Variants in ZMYND11 observed in about 807,000 individuals in gnomAD.
ZMYND11 encodes zinc finger MYND domain-containing protein 11.
ZMYND11 carries 9 observed loss-of-function variants against 84.9 expected under a neutral mutation model. The observed-to-expected ratio is 0.11, with a 90% confidence interval of 0.06 to 0.18. The LOEUF (loss-of-function observed/expected upper bound fraction) is 0.18, where lower values mean the gene tolerates loss of function less well. Ranked by LOEUF, ZMYND11 falls within the 10% of genes least tolerant of loss-of-function variation. ZMYND11 has a pLI of 1.00. For missense variants in ZMYND11, 409 were observed against 761.0 expected (o/e 0.54, Z 5.44); for synonymous variants, 250 against 244.1 (o/e 1.02, Z -0.23).
upstream of ZMYND11, among the ~76,000 whole-genome samples, chr10:130,327 A>G (rs1323527677): frequency 1.3e-5 from 2 of 152,136 alleles, no homozygotes; most frequent in Non-Finnish European, 2.9e-5. Flanking sequence ...TGCACCTGCA[A>G]TTAATCAGGT....
chr10:210,620 G>A (rs1296955671), intron 3 of ZMYND11, among the ~76,000 whole-genome samples: 5 of 152,078 alleles, frequency 3.3e-5, no homozygotes, highest in Admixed American at 6.6e-5. Context: ...TTCTCTTTAC[G>A]TTTTTACCTA....
chr10:184,402 T>G (rs959186012), intron 2 of ZMYND11, among the ~76,000 whole-genome samples: 5 of 152,196 alleles, frequency 3.3e-5, no homozygotes, highest in Non-Finnish European at 7.3e-5. Flanking sequence ...TTTCATCTTT[T>G]TTCTTTTTGA....
intron 3 of ZMYND11, among the ~76,000 whole-genome samples, chr10:216,313 A>G (rs755956467): frequency 6.6e-6 from 1 of 152,222 alleles, no homozygotes; most frequent in Non-Finnish European, 1.5e-5. Context: ...GGCATATTAC[A>G]GTGAGAATTT....
At chr10:248,264 G>A (rs1243021360) in intron 12 of ZMYND11, 72 bp from the exon 13 acceptor site, 51 of 1,537,876 alleles carry the variant, frequency 3.3e-5, no homozygotes, top group Non-Finnish European at 4.0e-5. Context: ...ATTTTTATCC[G>A]AATGGGGTAG....
chr10:253,395 G>A lies in ZMYND11; in HGVS notation c.*925G>A, dbSNP rs1953861238. On this transcript the variant is annotated 3_prime_UTR_variant, in exon 15 of 15. Coordinates refer to ENST00000381604, the MANE Select transcript of ZMYND11 (RefSeq NM_001370100.5). ...GTATCGTAAGTTAATACTAAAAGAA[G>A]AGAAAGCACTTAAGTTTCACAGAAG... 6.6e-6 allele frequency: 1 copy of A among 152,602 alleles called. No homozygotes were observed. The highest frequency in any genetic ancestry group is 2.4e-5 in the African/African-American group (1 of 41,450). The allele number at this position is 152,602 out of a possible 1,614,324, so 9.5% of individuals were successfully genotyped here. A position where few individuals can be genotyped will look rare whatever the true frequency, so the allele number is the denominator to read the frequency against.
intron 2 of ZMYND11, 116 bp downstream of exon 2, chr10:180,244 C>T: frequency 1.5e-6 from 1 of 659,714 alleles, no homozygotes; most frequent in Non-Finnish European, 2.5e-6. Flanking sequence ...GAACTGAAGA[C>T]ACTTTTTGCT....
chr10:191,844 G>A (rs1193027361), intron 2 of ZMYND11, among the ~76,000 whole-genome samples: 1 of 151,912 alleles, frequency 6.6e-6, no homozygotes, highest in Non-Finnish European at 1.5e-5. Flanking sequence ...CCATGTCATT[G>A]CTTGGCCACC....
At chr10:221,451 C>G (rs776607572) in intron 4 of ZMYND11, 95 bp downstream of exon 4, 8 of 1,297,176 alleles carry the variant, frequency 6.2e-6, no homozygotes, top group Middle Eastern at 1.9e-4. Context: ...GCCAGGTGAA[C>G]GGATAAAGGA....
upstream of ZMYND11, among the ~76,000 whole-genome samples, chr10:133,897 G>A (rs1437854791): frequency 6.6e-6 from 1 of 152,192 alleles, no homozygotes; most frequent in African/African-American, 2.4e-5. Flanking sequence ...ATGAAAGATT[G>A]TGTTTATTTG....
intron 8 of ZMYND11, 24 bp downstream of exon 8, chr10:240,135 A>G: frequency 6.5e-7 from 1 of 1,540,338 alleles, no homozygotes; most frequent in South Asian, 1.2e-5. Flanking sequence ...CCCAATAGTT[A>G]TACTCTTTCT....
At chr10:155,784 A>G (rs1323576790) in intron 1 of ZMYND11, among the ~76,000 whole-genome samples, 1 of 152,200 alleles carries the variant, frequency 6.6e-6, no homozygotes, top group Non-Finnish European at 1.5e-5. Flanking sequence ...CTTTATTCAG[A>G]GGGGAACTTC....
Position 210,057 on chromosome 10 carries a change from A to C in ZMYND11, c.276+9A>C. ...TGCCAGGAGATGAGATTGTAAGTACATTTTATTTGATAAACATAGAGATGT... is the reference window on the plus strand; with the variant it reads ...TGCCAGGAGATGAGATTGTAAGTACCTTTTATTTGATAAACATAGAGATGT... On this transcript the variant is annotated intron_variant, in intron 3 of 14. Transcript: ENST00000381604. 6.2e-7 allele frequency: 1 copy of C among 1,613,686 alleles called. No homozygotes were observed. The highest frequency in any genetic ancestry group is 1.3e-5 in the African/African-American group (1 of 75,040).
chr10:235,497 G>T (rs1447378613), intron 4 of ZMYND11, among the ~76,000 whole-genome samples: 1 of 151,806 alleles, frequency 6.6e-6, no homozygotes, highest in African/African-American at 2.4e-5. Context: ...TGGACACTCT[G>T]TCTTGGCCAT....
At chr10:156,056 T>C (rs1554758823) in intron 1 of ZMYND11, among the ~76,000 whole-genome samples, 2 of 152,228 alleles carry the variant, frequency 1.3e-5, no homozygotes, top group African/African-American at 2.4e-5. Flanking sequence ...TGATGGACTT[T>C]ACCCTGCAGT....
rs1951026741 is a variant in ZMYND11, at chr10:241,893, T to C, written c.832-128T>C. ...TCAATCCCAGAAAAAAAATCTCGTA[T>C]GTGTTTAGGAGTTATGAAAGAAATA... is the stretch of plus-strand genomic sequence containing the variant. On this transcript the variant is annotated intron_variant, in intron 9 of 14. Transcript: ENST00000381604. The C allele has an allele frequency of 1.3e-5, 15 of 1,157,320 alleles. No homozygotes were observed. The South Asian group carries it at 2.2e-4, about 17-fold the overall frequency. The allele number at this position is 1,157,320 out of a possible 1,614,324, so 71.7% of individuals were successfully genotyped here.
chr10:168,100 A>G (rs1258204185), intron 1 of ZMYND11, among the ~76,000 whole-genome samples: 1 of 152,116 alleles, frequency 6.6e-6, no homozygotes, highest in Non-Finnish European at 1.5e-5. Flanking sequence ...TAGGGGCATG[A>G]AGAAGGTTTA....
intron 9 of ZMYND11, among the ~76,000 whole-genome samples, chr10:241,694 T>TC (rs1554789960): frequency 2.0e-5 from 3 of 152,118 alleles, no homozygotes; most frequent in African/African-American, 4.8e-5. Context: ...GCCTAAAATT[T>TC]CCCCATTTCT....
rs112651744 is a variant in ZMYND11 at position 218,336 on chromosome 10, T to C, written c.277-2859T>C. 9.0e-4 allele frequency: 155 copies of C among 171,378 alleles called. 1 individual carries two copies. The highest frequency in any genetic ancestry group is 3.6e-3 in the African/African-American group (152 of 41,750). 10.6% of individuals were successfully genotyped at this position (171,378 alleles called of 1,614,324 possible). A position where few individuals can be genotyped will look rare whatever the true frequency, so the allele number is the denominator to read the frequency against. ...AATATCATCTGTAAAATAGTATAAG[T>C]CATATAGGAAATAATAAACAGTTTG... is the stretch of plus-strand genomic sequence containing the variant. On this transcript the variant is annotated intron_variant, in intron 3 of 14. Coordinates refer to ENST00000381604, the MANE Select transcript of ZMYND11 (RefSeq NM_001370100.5).
chr10:206,263 G>A (rs551713721), intron 2 of ZMYND11, among the ~76,000 whole-genome samples: 2 of 152,282 alleles, frequency 1.3e-5, no homozygotes, highest in South Asian at 4.1e-4. Context: ...GGGAGGCTGA[G>A]TCAGGAGAAT....
Sources: allele counts gnomAD v4.1 joint callset (sites outside exome capture counted in the v4.1 genomes callset), GRCh38; gene constraint gnomAD v4.1.1; transcripts MANE v1.5; gene names NCBI Gene and HGNC (gene_info 2026-07-23, HGNC 2026-07-21).